SPON2: variants seen among roughly 807,000 people sequenced by gnomAD.
SPON2 encodes spondin 2.
In SPON2, 32 loss-of-function variants were observed where a neutral mutation model predicts 29.9. The ratio of observed to expected loss-of-function variants is 1.07; its 90% CI spans 0.81 to 1.44. SPON2 has a LOEUF of 1.44. SPON2 is among the 40% of genes most tolerant of loss of function. The probability of loss-of-function intolerance (pLI) is 0.00; values close to 1 mark genes in which losing one functional copy is unlikely to be tolerated. For synonymous variants in SPON2, 248 were observed against 209.1 expected (o/e 1.19, Z -1.61); for missense variants, 541 against 455.5 (o/e 1.19, Z -1.71).
chr4:1,196,344 G>A (rs1363794372), upstream of SPON2, among the ~76,000 whole-genome samples: 1 of 152,232 alleles, frequency 6.6e-6, no homozygotes, highest in African/African-American at 2.4e-5. Context: ...TGACAGCATA[G>A]GGGTCTGCAA....
chr4:1,170,702 C>T lies in SPON2; in HGVS notation c.637-126G>A, dbSNP rs1178691153. 3.4e-6 allele frequency: 4 copies of T among 1,188,732 alleles called. No homozygotes were observed. In the East Asian group the frequency reaches 1.0e-4, roughly 30 times the overall value. The allele number at this position is 1,188,732 out of a possible 1,614,324, so 73.6% of individuals were successfully genotyped here. Reference sequence around the variant, plus strand: ...TCTGCACCACTGTTGGGGACAGGGTCCCATGTACTCCTCTCAGCCATCCCA... The same window carrying T: ...TCTGCACCACTGTTGGGGACAGGGTTCCATGTACTCCTCTCAGCCATCCCA... On this transcript the variant is annotated intron_variant, in intron 4 of 5. Coordinates refer to ENST00000290902, the MANE Select transcript of SPON2 (RefSeq NM_012445.4).
chr4:1,167,278 G>T lies in SPON2; in HGVS notation c.*194C>A, dbSNP rs2153076233. 1 of 565,234 alleles carries T rather than the reference G, an allele frequency of 1.8e-6. No individual in the cohort carries two copies. The highest frequency in any genetic ancestry group is 3.0e-6 in the Non-Finnish European group (1 of 328,568). 35.0% of individuals were successfully genotyped at this position (565,234 alleles called of 1,614,324 possible). The stretch of plus-strand genomic sequence containing the variant: ...GCCCCTAAGAAGCAAGGTTGGGAAA[G>T]GAGGAGGCTGTTTCCCAATGCCCGT... On this transcript the variant is annotated 3_prime_UTR_variant, in exon 6 of 6. Coordinates refer to ENST00000290902, the MANE Select transcript of SPON2 (RefSeq NM_012445.4).
chr4:1,200,867 C>G lies in SPON2; in HGVS notation c.-234+7013G>C, dbSNP rs1421667577. 3 of 456,640 alleles carry G rather than the reference C, an allele frequency of 6.6e-6. No individual in the cohort carries two copies. In the Admixed American group the frequency reaches 7.0e-5, roughly 11 times the overall value. 28.3% of individuals were successfully genotyped at this position (456,640 alleles called of 1,614,324 possible). On this transcript the variant is annotated intron_variant, in intron 1 of 3. Transcript: ENST00000509233. ...TCTGCAGTGTCCTCAATGCCACCAACCAGGCCTGACCCTGACCACTGACTG... is the reference window on the plus strand; with the variant it reads ...TCTGCAGTGTCCTCAATGCCACCAAGCAGGCCTGACCCTGACCACTGACTG...
intron 1 of SPON2, among the ~76,000 whole-genome samples, chr4:1,201,787 G>A (rs1728214701): frequency 6.6e-6 from 1 of 152,058 alleles, no homozygotes; most frequent in Non-Finnish European, 1.5e-5. Flanking sequence ...GTTTCACTGT[G>A]TTAGTCAGGA....
intron 1 of SPON2, among the ~76,000 whole-genome samples, chr4:1,194,431 C>T (rs1457575551): frequency 6.6e-6 from 1 of 152,142 alleles, no homozygotes; most frequent in Non-Finnish European, 1.5e-5. Context: ...CCTGGAGGAC[C>T]GGATGGAGCG....
At chr4:1,201,060 A>T (rs1204417973) in intron 1 of SPON2, 1 of 450,840 alleles carries the variant, frequency 2.2e-6, no homozygotes, top group East Asian at 7.1e-5. Context: ...TCCCCCTCCC[A>T]CCCTGACGAG....
In SPON2 at chr4:1,170,396, C is replaced by T. The variant is rs538783969; in HGVS notation, c.811+6G>A. On this transcript the variant is annotated splice_donor_region_variant and intron_variant, in intron 5 of 5. Coordinates refer to ENST00000290902, the MANE Select transcript of SPON2 (RefSeq NM_012445.4). ...GTGTGTCCCATGTGACCTGTATGTC[C>T]GTTACCTGAGGCGCTGTCTACAATC... 20 of 1,611,442 alleles carry T rather than the reference C, an allele frequency of 1.2e-5. No individual in the cohort carries two copies. Among genetic ancestry groups the T allele is most frequent in the Admixed American group, 1.2e-4 (7 of 59,076 alleles).
chr4:1,206,353 C>G (rs1050800499), intron 1 of SPON2, among the ~76,000 whole-genome samples: 38 of 152,368 alleles, frequency 2.5e-4, no homozygotes, highest in Admixed American at 2.4e-3. Flanking sequence ...CTAGGCCGAG[C>G]TGAAGGGGCT....
chr4:1,187,225 G>GATCACCCTTGAGGACATT (rs1727823484), intron 1 of SPON2, among the ~76,000 whole-genome samples: 1 of 152,176 alleles, frequency 6.6e-6, no homozygotes, highest in Non-Finnish European at 1.5e-5. Context: ...CTATAATATG[G>GATCACCCTTGAGGACATT]ATCACCCTTG....
At chr4:1,185,979 T>G (rs1365487415) in intron 1 of SPON2, among the ~76,000 whole-genome samples, 3 of 151,608 alleles carry the variant, frequency 2.0e-5, no homozygotes, top group South Asian at 4.2e-4. Context: ...GCGTGGTGGC[T>G]CACGCCTGTA....
At chr4:1,190,916 C>G (rs1727900039) in intron 1 of SPON2, among the ~76,000 whole-genome samples, 1 of 152,106 alleles carries the variant, frequency 6.6e-6, no homozygotes, top group Admixed American at 6.5e-5. Flanking sequence ...AACTTGAACA[C>G]TAAAAACTAC....
At chr4:1,169,023 G>A (rs1434111650) in intron 5 of SPON2, among the ~76,000 whole-genome samples, 3 of 152,160 alleles carry the variant, frequency 2.0e-5, no homozygotes, top group South Asian at 2.1e-4. Context: ...GGCTCTGTCC[G>A]TCTCCCACCC....
At chr4:1,193,578 C>T (rs543293002) in intron 1 of SPON2, among the ~76,000 whole-genome samples, 14 of 130,302 alleles carry the variant, frequency 1.1e-4, no homozygotes, top group South Asian at 5.7e-4. Flanking sequence ...TAGGACCTGC[C>T]GCTGACCATG....
chr4:1,203,550 T>C (rs1728268305), intron 1 of SPON2, among the ~76,000 whole-genome samples: 1 of 152,206 alleles, frequency 6.6e-6, no homozygotes, highest in Admixed American at 6.5e-5. Flanking sequence ...TGAATAATGC[T>C]ACCAGGAACA....
intron 1 of SPON2, among the ~76,000 whole-genome samples, chr4:1,181,129 AAGGCATCAAGAGAG>A (rs1727693860): frequency 6.6e-6 from 1 of 152,226 alleles, no homozygotes; most frequent in African/African-American, 2.4e-5. Context: ...GAGAATCTTG[AAGGCATCAAGAGAG>A]AAGCAACTCA....
At chr4:1,191,858 C>T (rs1321707731) in intron 1 of SPON2, among the ~76,000 whole-genome samples, 2 of 152,186 alleles carry the variant, frequency 1.3e-5, no homozygotes, top group East Asian at 1.9e-4. Flanking sequence ...GCAGTGAGTT[C>T]CTGTCATTCT....
Position 1,170,397 on chromosome 4 carries a change from G to A in SPON2, c.811+5C>T, listed in dbSNP as rs199773178. 20 of 1,611,506 alleles carry A rather than the reference G, an allele frequency of 1.2e-5. No homozygotes were observed. In the Middle Eastern group the frequency reaches 5.0e-4, roughly 40 times the overall value. The stretch of plus-strand genomic sequence containing the variant: ...TGTGTCCCATGTGACCTGTATGTCC[G>A]TTACCTGAGGCGCTGTCTACAATCT... On this transcript the variant is annotated splice_donor_5th_base_variant and intron_variant, in intron 5 of 5. Transcript: ENST00000290902.
intron 1 of SPON2, among the ~76,000 whole-genome samples, chr4:1,190,727 G>GAAA (rs1335291424): frequency 6.6e-6 from 1 of 152,158 alleles, no homozygotes; most frequent in African/African-American, 2.4e-5. Flanking sequence ...AGAAATCCAT[G>GAAA]CAAAAACATT....
At position 1,170,654 on chromosome 4, in the gene SPON2, A is replaced by G. The variant is rs549386676; in HGVS notation, c.637-78T>C. On this transcript the variant is annotated intron_variant, in intron 4 of 5. Coordinates refer to ENST00000290902, the MANE Select transcript of SPON2 (RefSeq NM_012445.4). ...GTATGCGTATGGCCTCACTGGGGCC[A>G]CTGCCCAGCGTCCAGCGTGCCCTCT... 6 of 1,490,872 alleles carry G rather than the reference A, an allele frequency of 4.0e-6. No individual in the cohort carries two copies. The African/African-American group carries it at 7.0e-5, about 17-fold the overall frequency. 92.4% of individuals were successfully genotyped at this position (1,490,872 alleles called of 1,614,324 possible).
Sources: allele counts gnomAD v4.1 joint callset (sites outside exome capture counted in the v4.1 genomes callset), GRCh38; gene constraint gnomAD v4.1.1; transcripts MANE v1.5; gene names NCBI Gene and HGNC (gene_info 2026-07-23, HGNC 2026-07-21).